The following LOXL2 variants were observed in gnomAD, a reference collection of about 807,000 sequenced individuals.
LOXL2 encodes lysyl oxidase like 2.
In LOXL2, 70 loss-of-function variants were observed where a neutral mutation model predicts 93.0. The observed-to-expected ratio is 0.75, with a 90% CI of 0.62 to 0.92. The LOEUF (loss-of-function observed/expected upper bound fraction) is 0.92. Ranked by LOEUF, LOXL2 falls within the 40% of genes least tolerant of loss-of-function variation. LOXL2 has a pLI of 0.00. For missense variants in LOXL2, 973 were observed against 1,054.9 expected (o/e 0.92, Z 1.08); for synonymous variants, 438 against 413.2 (o/e 1.06, Z -0.73).
At position 23,297,430 on chromosome 8, in the gene LOXL2, AAATAT is replaced by A. The variant is rs1301470839; in HGVS notation, c.*608_*612del. 4 of 152,354 alleles carry A rather than the reference AAATAT, an allele frequency of 2.6e-5. No homozygotes were observed. Among genetic ancestry groups the A allele is most frequent in the East Asian group, 1.9e-4 (1 of 5,182 alleles). The allele number at this position is 152,354 out of a possible 1,614,324, so 9.4% of individuals were successfully genotyped here. A position where few individuals can be genotyped will look rare whatever the true frequency, so the allele number is the denominator to read the frequency against. ...AAATTTGTGCTTCAAAAGTCTGTGA[AAATAT>A]AATAATAGTATCTTGAAAAACAAGG... On this transcript the variant is annotated 3_prime_UTR_variant, in exon 14 of 14. Coordinates refer to ENST00000389131, the MANE Select transcript of LOXL2 (RefSeq NM_002318.3).
chr8:23,369,991 T>C (rs1276577302), intron 1 of LOXL2, among the ~76,000 whole-genome samples: 1 of 152,170 alleles, frequency 6.6e-6, no homozygotes, highest in African/African-American at 2.4e-5. Flanking sequence ...CAGAGAGGGT[T>C]AGAGATTTTG....
chr8:23,386,860 A>G (rs1804770238), intron 1 of LOXL2, among the ~76,000 whole-genome samples: 1 of 152,170 alleles, frequency 6.6e-6, no homozygotes, highest in African/African-American at 2.4e-5. Context: ...CGCTCCAAAT[A>G]AATGCGGCTT....
chr8:23,345,335 G>A (rs774975791), intron 3 of LOXL2, among the ~76,000 whole-genome samples: 2 of 152,160 alleles, frequency 1.3e-5, no homozygotes, highest in Admixed American at 6.5e-5. Flanking sequence ...CCCAGGGCAG[G>A]GCCTGGAGCT....
intron 6 of LOXL2, among the ~76,000 whole-genome samples, chr8:23,323,398 C>T (rs999013945): frequency 3.3e-5 from 5 of 152,226 alleles, no homozygotes; most frequent in African/African-American, 2.4e-5. Context: ...TAGGGAAGCC[C>T]TCGCTGTCTC....
intron 11 of LOXL2, among the ~76,000 whole-genome samples, chr8:23,302,596 A>G (rs1803155227): frequency 6.6e-6 from 1 of 152,198 alleles, no homozygotes. Context: ...GCACATGGTA[A>G]GAGGTCAACA....
chr8:23,362,404 T>C (rs1804310940), intron 2 of LOXL2, among the ~76,000 whole-genome samples: 1 of 152,208 alleles, frequency 6.6e-6, no homozygotes, highest in African/African-American at 2.4e-5. Context: ...CACAACAATG[T>C]GAATATACTT....
intron 1 of LOXL2, among the ~76,000 whole-genome samples, chr8:23,373,768 G>C (rs745573057): frequency 9.9e-5 from 15 of 152,180 alleles, no homozygotes; most frequent in Middle Eastern, 3.4e-3. Flanking sequence ...TGCAAGCCAG[G>C]ATCTGAAGGT....
intron 3 of LOXL2, among the ~76,000 whole-genome samples, chr8:23,348,605 C>T (rs748800643): frequency 1.5e-4 from 23 of 151,854 alleles, no homozygotes; most frequent in Non-Finnish European, 2.6e-4. Context: ...CGGCCGGGTG[C>T]GGTGGCTCAC....
chr8:23,389,331 T>C (rs775607180), intron 1 of LOXL2, among the ~76,000 whole-genome samples: 43 of 152,218 alleles, frequency 2.8e-4, no homozygotes, highest in Non-Finnish European at 2.4e-4. Flanking sequence ...TGAAATTTTT[T>C]TCTTCCTCCA....
intron 1 of LOXL2, among the ~76,000 whole-genome samples, chr8:23,371,609 G>A (rs1490114999): frequency 9.2e-5 from 14 of 151,594 alleles, no homozygotes; most frequent in Non-Finnish European, 1.9e-4. Flanking sequence ...AAAATTAGCC[G>A]GGCATGGTGG....
At chr8:23,306,352 A>G (rs1803229011) in intron 10 of LOXL2, among the ~76,000 whole-genome samples, 1 of 152,174 alleles carries the variant, frequency 6.6e-6, no homozygotes, top group Non-Finnish European at 1.5e-5. Flanking sequence ...TCCAGAATGG[A>G]CAGTCCTGGA....
chr8:23,391,101 C>A (rs540224658), intron 1 of LOXL2, among the ~76,000 whole-genome samples: 1 of 152,246 alleles, frequency 6.6e-6, no homozygotes, highest in East Asian at 1.9e-4. Flanking sequence ...CCCCATGATT[C>A]AATTATCTCC....
rs898751883 is a variant in LOXL2, at chr8:23,358,194, C to T, written c.531+1896G>A. 1.7e-4 allele frequency among the ~76,000 whole-genome samples: 26 copies of T among 152,274 alleles called. No individual in the cohort carries two copies. The South Asian group carries it at 4.2e-3, about 24-fold the overall frequency. On this transcript the variant is annotated intron_variant, in intron 3 of 13. Transcript: ENST00000389131. ...GCTGTCATCAGTGACTGAAGACTGA[C>T]GAAAGTATATCAACTCCATCACAAT...
intron 8 of LOXL2, 26 bp downstream of exon 8, chr8:23,319,859 C>T (rs1185603723): frequency 1.8e-5 from 29 of 1,607,476 alleles, no homozygotes; most frequent in Admixed American, 5.0e-5. Flanking sequence ...GGGGTGAATG[C>T]GGGGTCTGAG....
intron 1 of LOXL2, among the ~76,000 whole-genome samples, chr8:23,403,204 T>C (rs1800174287): frequency 6.6e-6 from 1 of 152,046 alleles, no homozygotes; most frequent in Admixed American, 6.6e-5. Flanking sequence ...CGGCTCAAGA[T>C]TGGGATCAGC....
chr8:23,311,270 G>A (rs981304504), intron 9 of LOXL2, among the ~76,000 whole-genome samples: 6 of 152,178 alleles, frequency 3.9e-5, no homozygotes, highest in Non-Finnish European at 8.8e-5. Flanking sequence ...AGATCCACTC[G>A]CAAGAATTGG....
At chr8:23,337,416 T>C (rs1803811464) in intron 4 of LOXL2, 2 of 152,222 alleles carry the variant, frequency 1.3e-5, no homozygotes, top group African/African-American at 4.8e-5. Flanking sequence ...GTGAAAGGCA[T>C]GTCTTCAGGA....
intron 4 of LOXL2, among the ~76,000 whole-genome samples, chr8:23,338,223 CACG>C (rs1803826436): frequency 6.6e-6 from 1 of 152,230 alleles, no homozygotes; most frequent in Non-Finnish European, 1.5e-5. Flanking sequence ...GGGTCCCTCC[CACG>C]ACATGTGGGG....
chr8:23,299,374 C>G (rs1267477757), intron 12 of LOXL2, among the ~76,000 whole-genome samples: 1 of 152,152 alleles, frequency 6.6e-6, no homozygotes. Context: ...ATGGGACACT[C>G]GTCACAGGCG....
Sources: gnomAD v4.1 joint callset for allele counts (sites outside exome capture counted in the v4.1 genomes callset) on GRCh38, gnomAD v4.1.1 for gene constraint, MANE v1.5 for transcripts, NCBI Gene and HGNC (gene_info 2026-07-23, HGNC 2026-07-21) for gene names.